Variants in FBXO40 observed in about 807,000 individuals in gnomAD.
FBXO40 encodes F-box only protein 40.
A neutral mutation model predicts 49.9 loss-of-function variants in FBXO40; 50 were observed. That is an observed-to-expected ratio of 1.00 (90% confidence interval 0.80 to 1.27). FBXO40 has a LOEUF of 1.27. FBXO40 is among the 50% of genes most tolerant of loss of function. The probability of loss-of-function intolerance (pLI) is 0.00; values close to 1 mark genes in which losing one functional copy is unlikely to be tolerated. For missense variants in FBXO40, 895 were observed against 870.1 expected (o/e 1.03, Z -0.36); for synonymous variants, 340 against 320.2 (o/e 1.06, Z -0.66).
intron 1 of FBXO40, among the ~76,000 whole-genome samples, chr3:121,597,775 C>T (rs550877213): frequency 2.7e-5 from 4 of 150,596 alleles, no homozygotes; most frequent in African/African-American, 7.3e-5. Context: ...GGTTCTTGAG[C>T]CTCAGTCTCC....
chr3:121,595,606 G>A (rs1482737055), intron 1 of FBXO40, among the ~76,000 whole-genome samples: 1 of 152,174 alleles, frequency 6.6e-6, no homozygotes, highest in Non-Finnish European at 1.5e-5. Flanking sequence ...TCTGTTTTAG[G>A]ATACAGTGAA....
At chr3:121,610,404 G>C (rs754325855) in intron 1 of FBXO40, among the ~76,000 whole-genome samples, 6 of 152,150 alleles carry the variant, frequency 3.9e-5, no homozygotes, top group Non-Finnish European at 8.8e-5. Context: ...GGAGCAGACT[G>C]GATTATGAAA....
In FBXO40 at chr3:121,621,758, C is replaced by T. The variant is rs946645796; in HGVS notation, c.329C>T (p.Thr110Ile). ...NRWPNVDSET[T>I]LHENIMKETP... ...TGGCCAAATGTGGACTCTGAAACCACCCTTCATGAAAACATCATGAAAGAG... is the reference window on the plus strand; with the variant it reads ...TGGCCAAATGTGGACTCTGAAACCATCCTTCATGAAAACATCATGAAAGAG... The change falls in exon 3 of 4, where the codon ACC becomes ATC. Residue 110 changes from threonine (T) to isoleucine (I), a missense_variant. Transcript: ENST00000338040. The T allele has an allele frequency of 1.2e-6, 2 of 1,614,114 alleles. No individual in the cohort carries two copies. The highest frequency in any genetic ancestry group is 1.7e-5 in the Admixed American group (1 of 60,010).
At chr3:121,611,256 A>T (rs569409134) in intron 1 of FBXO40, among the ~76,000 whole-genome samples, 1 of 152,198 alleles carries the variant, frequency 6.6e-6, no homozygotes, top group Non-Finnish European at 1.5e-5. Flanking sequence ...CTGCACCGGC[A>T]CCGGTCTCTG....
chr3:121,627,154 T>G lies in FBXO40; in HGVS notation c.*244T>G. 2.0e-6 allele frequency: 1 copy of G among 497,620 alleles called. No homozygotes were observed. Among genetic ancestry groups the G allele is most frequent in the East Asian group, 3.5e-5 (1 of 28,292 alleles). The allele number at this position is 497,620 out of a possible 1,614,324, so 30.8% of individuals were successfully genotyped here. A position where few individuals can be genotyped will look rare whatever the true frequency, so the allele number is the denominator to read the frequency against. ...TTTTTCTTTTCTTTTCTTTTCTTTT[T>G]TCTTTCTTTCTAAAATAGATTGGTC... is the stretch of plus-strand genomic sequence containing the variant. On this transcript the variant is annotated 3_prime_UTR_variant, in exon 4 of 4. Transcript: ENST00000338040.
intron 3 of FBXO40, among the ~76,000 whole-genome samples, chr3:121,623,778 T>C (rs1180824230): frequency 4.7e-5 from 7 of 150,388 alleles, no homozygotes; most frequent in African/African-American, 1.5e-4. Flanking sequence ...AACCTCCACG[T>C]TCCAGGTTCA....
At chr3:121,615,382 C>T (rs1203094413) in intron 1 of FBXO40, among the ~76,000 whole-genome samples, 1 of 151,524 alleles carries the variant, frequency 6.6e-6, no homozygotes, top group Non-Finnish European at 1.5e-5. Context: ...CATGGCAAAA[C>T]CCCGTCTCTT....
rs142701678 is a variant in FBXO40, at chr3:121,624,670, G to C, written c.1914+1327G>C. 5.7e-3 allele frequency among the ~76,000 whole-genome samples: 873 copies of C among 152,232 alleles called. 11 individuals are homozygous for C. The highest frequency in any genetic ancestry group is 8.7e-3 in the Non-Finnish European group (589 of 68,000). On this transcript the variant is annotated intron_variant, in intron 3 of 3. Coordinates refer to ENST00000338040, the MANE Select transcript of FBXO40 (RefSeq NM_016298.4). ...CCCCCCTGCATGGTTCCTCCCCTTT[G>C]TGACACTTTGAGCAGGTGCTGTCCC...
chr3:121,616,257 C>G (rs923994418), intron 1 of FBXO40, among the ~76,000 whole-genome samples: 8 of 152,096 alleles, frequency 5.3e-5, no homozygotes, highest in African/African-American at 1.7e-4. Context: ...ACTCAGTAGC[C>G]CCAGTGGGGT....
chr3:121,612,298 G>C (rs1406562449), intron 1 of FBXO40, among the ~76,000 whole-genome samples: 2 of 152,208 alleles, frequency 1.3e-5, no homozygotes, highest in Non-Finnish European at 2.9e-5. Context: ...GCCCCACTAA[G>C]AGTGGTGCTG....
At chr3:121,606,741 G>A (rs1300648592) in intron 1 of FBXO40, among the ~76,000 whole-genome samples, 1 of 152,194 alleles carries the variant, frequency 6.6e-6, no homozygotes, top group Non-Finnish European at 1.5e-5. Context: ...ACAGGCAATA[G>A]AGATAGCCAG....
intron 1 of FBXO40, among the ~76,000 whole-genome samples, chr3:121,615,271 CAGA>C (rs1296052712): frequency 1.3e-5 from 2 of 149,620 alleles, no homozygotes; most frequent in African/African-American, 2.5e-5. Flanking sequence ...GCGTCCGCAG[CAGA>C]AGGAGGAACG....
chr3:121,629,046 A>G lies in FBXO40; in HGVS notation c.*2136A>G, dbSNP rs2049078647. ...AAGAATTTAGCCAACAAAAGAAACA[A>G]TCTAGTCAATCTGGGTGCTTTTATT... On this transcript the variant is annotated 3_prime_UTR_variant, in exon 4 of 4. Coordinates refer to ENST00000338040, the MANE Select transcript of FBXO40 (RefSeq NM_016298.4). The G allele has an allele frequency of 6.6e-6, 1 of 152,200 alleles. No individual in the cohort carries two copies. Among genetic ancestry groups the G allele is most frequent in the Non-Finnish European group, 1.5e-5 (1 of 68,038 alleles). The allele number at this position is 152,200 out of a possible 1,614,324, so 9.4% of individuals were successfully genotyped here.
intron 1 of FBXO40, among the ~76,000 whole-genome samples, chr3:121,615,200 CAAAAAAA>C (rs11448457): frequency 2.9e-5 from 2 of 69,422 alleles, no homozygotes; most frequent in African/African-American, 1.3e-4. Context: ...GAGAGCATCT[CAAAAAAA>C]AAAAAAAAAA....
At chr3:121,607,503 G>A (rs1398795810) in intron 1 of FBXO40, among the ~76,000 whole-genome samples, 1 of 151,564 alleles carries the variant, frequency 6.6e-6, no homozygotes, top group Non-Finnish European at 1.5e-5. Flanking sequence ...TAGAGACAGG[G>A]TTTCACTGTG....
chr3:121,611,771 C>T (rs2108847739), intron 1 of FBXO40, among the ~76,000 whole-genome samples: 1 of 152,362 alleles, frequency 6.6e-6, no homozygotes, highest in South Asian at 2.1e-4. Context: ...CTTTCAAGGG[C>T]AGAGGTCCCT....
intron 3 of FBXO40, among the ~76,000 whole-genome samples, chr3:121,625,239 T>C (rs894269287): frequency 2.0e-5 from 3 of 152,234 alleles, no homozygotes; most frequent in African/African-American, 7.2e-5. Flanking sequence ...TCCCAGTGCC[T>C]GTAGCATCCT....
chr3:121,623,975 A>C (rs2049048762), intron 3 of FBXO40, among the ~76,000 whole-genome samples: 1 of 130,236 alleles, frequency 7.7e-6, no homozygotes, highest in Non-Finnish European at 1.6e-5. Flanking sequence ...GGCGTGAGCC[A>C]CTGCACCTGG....
chr3:121,609,003 T>C (rs1042329865), intron 1 of FBXO40, among the ~76,000 whole-genome samples: 2 of 152,168 alleles, frequency 1.3e-5, no homozygotes, highest in Admixed American at 6.5e-5. Flanking sequence ...ATCTGTCCTT[T>C]ATAGAACCTC....
Sources: gnomAD v4.1 joint callset for allele counts (sites outside exome capture counted in the v4.1 genomes callset) on GRCh38, gnomAD v4.1.1 for gene constraint, MANE v1.5 for transcripts, NCBI Gene and HGNC (gene_info 2026-07-23, HGNC 2026-07-21) for gene names.